QSER1: variants seen among roughly 807,000 people sequenced by gnomAD.
QSER1 encodes the protein glutamine and serine-rich protein 1.
QSER1 carries 49 observed loss-of-function variants against 158.5 expected under a neutral mutation model. That is an observed-to-expected ratio of 0.31 (90% CI 0.25 to 0.39). The LOEUF is 0.39. Ranked by LOEUF, QSER1 falls within the 10% of genes least tolerant of loss-of-function variation. The pLI, the probability that QSER1 is intolerant of heterozygous loss-of-function variation, is 1.00. For missense variants in QSER1, 1,754 were observed against 2,010.3 expected (o/e 0.87, Z 2.44); for synonymous variants, 650 against 715.5 (o/e 0.91, Z 1.46).
chr11:32,973,219 T>C (rs928526133), intron 10 of QSER1, among the ~76,000 whole-genome samples, 178 bp from the exon 11 acceptor site: 1 of 152,170 alleles, frequency 6.6e-6, no homozygotes, highest in Non-Finnish European at 1.5e-5. Flanking sequence ...TGTGTATGTA[T>C]ATGTATGCAT....
chr11:32,906,590 T>A (rs1851697444), intron 1 of QSER1, among the ~76,000 whole-genome samples: 1 of 151,900 alleles, frequency 6.6e-6, no homozygotes, highest in Admixed American at 6.6e-5. Context: ...TTGTTTTTGT[T>A]CATTGTAGAG....
chr11:32,932,471 T>A lies in QSER1; in HGVS notation c.1213T>A (p.Ser405Thr). ...SAIPSSGYPP[S>T]TTKIKSCSTE... ...GATTCCATCATCAGGGTATCCTCCT[T>A]CTACTACAAAAATAAAAAGCTGTTC... Residue 405 changes from serine to threonine, a missense_variant, in exon 4 of 13, where the codon TCT (serine) becomes ACT (threonine). Transcript: ENST00000650167. 1 of 1,613,720 alleles carries A rather than the reference T, an allele frequency of 6.2e-7. No individual in the cohort carries two copies. Among genetic ancestry groups the A allele is most frequent in the Non-Finnish European group, 8.5e-7 (1 of 1,180,002 alleles).
intron 4 of QSER1, among the ~76,000 whole-genome samples, chr11:32,950,115 G>A (rs1050395443): frequency 6.6e-6 from 1 of 151,562 alleles, no homozygotes; most frequent in Non-Finnish European, 1.5e-5. Context: ...CTTTTTTTGA[G>A]AGGGAGTCTT....
chr11:32,945,709 T>C (rs1590173736), intron 4 of QSER1, among the ~76,000 whole-genome samples: 3 of 149,426 alleles, frequency 2.0e-5, no homozygotes, highest in Non-Finnish European at 3.0e-5. Context: ...CTGACAATTA[T>C]GTGTCTTGGA....
chr11:32,965,944 AACACACACACACACACAC>A (rs5790910), intron 8 of QSER1, among the ~76,000 whole-genome samples: 33 of 123,520 alleles, frequency 2.7e-4, no homozygotes, highest in African/African-American at 9.0e-4. Flanking sequence ...TCTGTCTCAA[AACACACACACACACACAC>A]ACACACACAC....
Position 32,932,677 on chromosome 11 carries a change from C to G in QSER1, c.1419C>G (p.Tyr473Ter). ...TATCAGTTAGTCAGTCCCAAAATTA[C>G]GGTTTAGTACAGCCACATAATGTGC... is the stretch of plus-strand genomic sequence containing the variant. The part of the protein sequence containing the change: ...SLLSVSQSQN[Y>*]GLVQPHNVPS... The change falls in exon 4 of 13, where the codon TAC becomes TAG. Residue 473 changes from tyrosine to a stop codon, truncating the protein, a stop_gained. Transcript: ENST00000650167. LOFTEE classifies it high-confidence loss of function. 1 of 1,614,104 alleles carries G rather than the reference C, an allele frequency of 6.2e-7. No homozygotes were observed. Among genetic ancestry groups the G allele is most frequent in the Non-Finnish European group, 8.5e-7 (1 of 1,179,996 alleles).
intron 1 of QSER1, among the ~76,000 whole-genome samples, chr11:32,895,567 C>T (rs889541509): frequency 1.3e-5 from 2 of 152,164 alleles, no homozygotes; most frequent in Admixed American, 6.5e-5. Flanking sequence ...TCATAATGCA[C>T]ATATCAGTTG....
At chr11:32,911,027 G>C (rs1158873991) in intron 1 of QSER1, among the ~76,000 whole-genome samples, 1 of 152,180 alleles carries the variant, frequency 6.6e-6, no homozygotes, top group Admixed American at 6.5e-5. Context: ...TATTATTACT[G>C]TCTCCTCAAA....
chr11:32,905,486 G>A (rs1406982074), intron 1 of QSER1, among the ~76,000 whole-genome samples: 1 of 152,222 alleles, frequency 6.6e-6, no homozygotes, highest in African/African-American at 2.4e-5. Flanking sequence ...GTGGAATGAT[G>A]TCAAAGTAAA....
chr11:32,919,565 T>C (rs779916528), intron 1 of QSER1, among the ~76,000 whole-genome samples: 14 of 152,154 alleles, frequency 9.2e-5, no homozygotes, highest in Non-Finnish European at 1.8e-4. Flanking sequence ...TCAACGTGAT[T>C]TATCACTACT....
In QSER1 at chr11:32,893,805, C is replaced by T. The variant is rs897321594; in HGVS notation, c.209+471C>T. Reference sequence around the variant, plus strand: ...AGGCGGGAGAGGAAGAGTCGCGGAACCGCGTCCCGGAGACACTGGGGGGCC... The same window carrying T: ...AGGCGGGAGAGGAAGAGTCGCGGAATCGCGTCCCGGAGACACTGGGGGGCC... On this transcript the variant is annotated intron_variant, in intron 1 of 12. Transcript: ENST00000650167. This position sits in a 1 kb window ranked among gnomAD's most constrained non-coding sequence, Gnocchi z 4.7. Among the ~76,000 whole-genome samples the T allele has an allele frequency of 2.0e-5, 3 of 152,116 alleles. No homozygotes were observed. Among genetic ancestry groups the T allele is most frequent in the Admixed American group, 6.5e-5 (1 of 15,286 alleles).
chr11:32,909,585 G>A (rs777414047), intron 1 of QSER1, among the ~76,000 whole-genome samples: 2 of 151,898 alleles, frequency 1.3e-5, no homozygotes, highest in African/African-American at 2.4e-5. Flanking sequence ...GACTACAGGC[G>A]CACACCACCA....
intron 4 of QSER1, among the ~76,000 whole-genome samples, chr11:32,938,377 T>C (rs1324304741): frequency 6.6e-6 from 1 of 152,158 alleles, no homozygotes; most frequent in Non-Finnish European, 1.5e-5. Context: ...AAGTAGAACA[T>C]TGAGGTGATC....
chr11:32,967,372 A>G (rs1291449637), intron 9 of QSER1, among the ~76,000 whole-genome samples: 5 of 152,162 alleles, frequency 3.3e-5, no homozygotes, highest in African/African-American at 1.2e-4. Flanking sequence ...CTTATGGGGT[A>G]CAATGTACAC....
In QSER1 at chr11:32,978,019, A is replaced by C. The variant is rs1853007341; in HGVS notation, c.*1545A>C. On this transcript the variant is annotated 3_prime_UTR_variant, in exon 13 of 13. Coordinates refer to ENST00000650167, the MANE Select transcript of QSER1 (RefSeq NM_001076786.3). The stretch of plus-strand genomic sequence containing the variant: ...ATTGAAGGTAATGTGATTTGATTTG[A>C]GAATAAAACATTGTAGCATTGGGTG... 6.6e-6 allele frequency: 1 copy of C among 152,624 alleles called. No homozygotes were observed. Among genetic ancestry groups the C allele is most frequent in the Non-Finnish European group, 1.5e-5 (1 of 68,032 alleles). The allele number at this position is 152,624 out of a possible 1,614,324, so 9.5% of individuals were successfully genotyped here.
intron 4 of QSER1, 35 bp from the exon 5 acceptor site, chr11:32,953,822 T>C: frequency 1.3e-6 from 2 of 1,567,218 alleles, no homozygotes; most frequent in South Asian, 2.4e-5. Context: ...TAAATATTTG[T>C]AATACTGATT....
intron 8 of QSER1, among the ~76,000 whole-genome samples, chr11:32,960,442 C>G (rs1461387888): frequency 6.6e-6 from 1 of 151,920 alleles, no homozygotes; most frequent in Admixed American, 6.6e-5. Context: ...ACCTGTAATC[C>G]CAGCTACTCA....
rs1192538505 is a variant in QSER1, at chr11:32,928,123, G to C, written c.484G>C (p.Gly162Arg). 6.3e-7 allele frequency: 1 copy of C among 1,597,654 alleles called. No homozygotes were observed. The highest frequency in any genetic ancestry group is 8.6e-7 in the Non-Finnish European group (1 of 1,165,214). The change falls in exon 3 of 13, where the codon GGC becomes CGC. Residue 162 changes from glycine to arginine, a missense_variant and splice_region_variant. Physicochemically the swap from Gly to Arg is moderately radical, Grantham distance 125. Coordinates refer to ENST00000650167, the MANE Select transcript of QSER1 (RefSeq NM_001076786.3). ...ATTCAGGGCTCCATCCTGGCAGACA[G>C]GTGATTTTCTGTTTCTAGAATTTTT... ...PQFRAPSWQTGMHSSAATELF... is the reference protein window; with the variant it reads ...PQFRAPSWQTRMHSSAATELF...
intron 4 of QSER1, among the ~76,000 whole-genome samples, chr11:32,950,018 G>T (rs764516755): frequency 6.6e-6 from 1 of 152,176 alleles, no homozygotes; most frequent in Non-Finnish European, 1.5e-5. Context: ...TCAGAGTACA[G>T]CTTTTGCATT....
Sources: allele counts gnomAD v4.1 joint callset (sites outside exome capture counted in the v4.1 genomes callset), GRCh38; gene constraint gnomAD v4.1.1; non-coding constraint Gnocchi (gnomAD v3.1); transcripts MANE v1.5; gene names NCBI Gene and HGNC (gene_info 2026-07-23, HGNC 2026-07-21).